Variants in METTL21C observed in about 807,000 individuals in gnomAD.
METTL21C encodes the protein methyltransferase 21C, AARS1 lysine, also known as protein-lysine methyltransferase METTL21C.
Under a neutral mutation model 25.9 loss-of-function variants are expected in METTL21C, and 21 were observed. That is an observed-to-expected ratio of 0.81 (90% CI 0.58 to 1.17). The LOEUF (loss-of-function observed/expected upper bound fraction) is 1.17, where lower values mean the gene tolerates loss of function less well. METTL21C is among the 50% of genes most tolerant of loss of function. METTL21C has a pLI of 0.00. For missense variants in METTL21C, 312 were observed against 315.1 expected, an observed-to-expected ratio of 0.99 and a Z score of 0.07; for synonymous variants, 125 against 124.7, an observed-to-expected ratio of 1.00 and a Z score of -0.01.
chr13:102,703,772 C>T, the METTL21C span, among the ~76,000 whole-genome samples: 2 of 152,160 alleles, frequency 1.3e-5, no homozygotes, highest in Non-Finnish European at 2.9e-5. Context: ...GATTATGGGG[C>T]CTGAGTCAGG....
intron 2 of METTL21C, among the ~76,000 whole-genome samples, chr13:102,690,159 G>C (rs896532069): frequency 6.6e-6 from 1 of 152,236 alleles, no homozygotes; most frequent in Admixed American, 6.5e-5. Context: ...GGTGGTTCAC[G>C]CTTGTAATCC....
chr13:102,691,794 C>CT (rs1424797611), intron 1 of METTL21C, among the ~76,000 whole-genome samples: 1 of 152,324 alleles, frequency 6.6e-6, no homozygotes, highest in African/African-American at 2.4e-5. Context: ...CAGCTGAGCT[C>CT]TGGCTATTAA....
intron 1 of METTL21C, among the ~76,000 whole-genome samples, chr13:102,694,004 T>G (rs371593794): frequency 2.0e-5 from 3 of 152,208 alleles, no homozygotes; most frequent in African/African-American, 7.2e-5. Context: ...TTTATAAAGA[T>G]TCACTGTATG....
intron 2 of METTL21C, among the ~76,000 whole-genome samples, chr13:102,689,730 C>T (rs1885778647): frequency 2.0e-5 from 3 of 152,326 alleles, no homozygotes; most frequent in South Asian, 2.1e-4. Flanking sequence ...GCACCCCAGT[C>T]GGGAGCTTTA....
intron 1 of METTL21C, among the ~76,000 whole-genome samples, chr13:102,693,257 C>G (rs1471001481): frequency 2.0e-5 from 3 of 152,098 alleles, no homozygotes; most frequent in Non-Finnish European, 2.9e-5. Flanking sequence ...TTTAATATAC[C>G]TTTGTCTTTA....
chr13:102,688,222 T>C (rs1213608863), intron 2 of METTL21C, among the ~76,000 whole-genome samples: 2 of 152,218 alleles, frequency 1.3e-5, no homozygotes, highest in African/African-American at 4.8e-5. Context: ...GACGTGTCAC[T>C]CTTAGGATTA....
chr13:102,689,518 G>C (rs1157678859), intron 2 of METTL21C, among the ~76,000 whole-genome samples: 1 of 152,172 alleles, frequency 6.6e-6, no homozygotes, highest in African/African-American at 2.4e-5. Flanking sequence ...CACTAACCAG[G>C]AATACTCAAT....
At chr13:102,688,798 G>A (rs887200578) in intron 2 of METTL21C, among the ~76,000 whole-genome samples, 5 of 152,198 alleles carry the variant, frequency 3.3e-5, no homozygotes, top group Admixed American at 3.3e-4. Context: ...TGAGGGGCTG[G>A]CCGCAGGGTG....
At chr13:102,688,157 A>G (rs1001240080) in intron 2 of METTL21C, among the ~76,000 whole-genome samples, 1 of 151,854 alleles carries the variant, frequency 6.6e-6, no homozygotes, top group African/African-American at 2.4e-5. Flanking sequence ...CTTCCTCTGG[A>G]CTCTACTTTC....
chr13:102,692,858 T>C (rs1418776530), intron 1 of METTL21C, among the ~76,000 whole-genome samples: 1 of 152,090 alleles, frequency 6.6e-6, no homozygotes, highest in Non-Finnish European at 1.5e-5. Flanking sequence ...GAGGGAGCCC[T>C]GTAGCTTTCC....
In METTL21C at chr13:102,690,812, C is replaced by A; in HGVS notation, c.282+1G>T. The A allele has an allele frequency of 6.2e-7, 1 of 1,613,876 alleles. No homozygotes were observed. Among genetic ancestry groups the A allele is most frequent in the Non-Finnish European group, 8.5e-7 (1 of 1,179,916 alleles). On this transcript the variant is annotated splice_donor_variant, in intron 2 of 3. Coordinates refer to ENST00000267273, the MANE Select transcript of METTL21C (RefSeq NM_001010977.3). LOFTEE classifies it high-confidence loss of function. ...CATCACAAATATGACAGTTCTCTCA[C>A]CCCTGGCCACACCACCGCTCCGTAA...
In METTL21C at chr13:102,690,981, T is replaced by G; in HGVS notation, c.131-17A>C. Reference sequence around the variant, plus strand: ...TGTTGGATTCTGTGAAGCAGAAAAATAAAATGGAGTTCATGATTTGTTCAA... The same window carrying G: ...TGTTGGATTCTGTGAAGCAGAAAAAGAAAATGGAGTTCATGATTTGTTCAA... On this transcript the variant is annotated splice_polypyrimidine_tract_variant and intron_variant, in intron 1 of 3. Coordinates refer to ENST00000267273, the MANE Select transcript of METTL21C (RefSeq NM_001010977.3). 1 of 1,612,434 alleles carries G rather than the reference T, an allele frequency of 6.2e-7. No individual in the cohort carries two copies. Among genetic ancestry groups the G allele is most frequent in the Non-Finnish European group, 8.5e-7 (1 of 1,179,342 alleles).
chr13:102,704,179 C>T, the METTL21C span, among the ~76,000 whole-genome samples: 2 of 152,314 alleles, frequency 1.3e-5, no homozygotes, highest in East Asian at 3.9e-4. Context: ...AGAGCGCTCA[C>T]CTCATTTCTC....
chr13:102,688,192 G>A (rs567127417), intron 2 of METTL21C, among the ~76,000 whole-genome samples: 3 of 152,208 alleles, frequency 2.0e-5, no homozygotes. Context: ...TTTGGAGTGG[G>A]GGCAGCCAGG....
rs1189037485 is a variant in METTL21C at position 102,686,340 on chromosome 13, T to G, written c.486A>C (p.Ala162=). 6.2e-7 allele frequency: 1 copy of G among 1,614,248 alleles called. No homozygotes were observed. The highest frequency in any genetic ancestry group is 1.7e-5 in the Admixed American group (1 of 60,028). The change falls in exon 4 of 4, where the codon GCA becomes GCC. Residue 162 remains alanine, a synonymous_variant. Transcript: ENST00000267273. The part of the protein sequence containing the change: ...NLLKNTLQCT[A]HLPEVKELVW... ...CCAGTTCTTTCACTTCAGGCAGATG[T>G]GCTGTACATTGTAGTGTGTTTTTTA...
At chr13:102,696,544 C>T (rs1369151256), upstream of METTL21C, among the ~76,000 whole-genome samples, 2 of 152,018 alleles carry the variant, frequency 1.3e-5, no homozygotes, top group Non-Finnish European at 2.9e-5. Context: ...ATTTAAAAAA[C>T]AGTTCCTTTT....
chr13:102,690,664 T>A lies in METTL21C; in HGVS notation c.282+149A>T, dbSNP rs9518809. The A allele has an allele frequency of 0.095, 72,900 of 763,958 alleles. 4,210 individuals carry two copies. The highest frequency in any genetic ancestry group is 0.23 in the East Asian group (7,826 of 33,884). 47.3% of individuals were successfully genotyped at this position (763,958 alleles called of 1,614,324 possible). A position where few individuals can be genotyped will look rare whatever the true frequency, so the allele number is the denominator to read the frequency against. On this transcript the variant is annotated intron_variant, in intron 2 of 3. Coordinates refer to ENST00000267273, the MANE Select transcript of METTL21C (RefSeq NM_001010977.3). Reference sequence around the variant, plus strand: ...CACTGTTTTTGCTGATCCCAAGCACTCCACCAACACCCTCCAGGGGGCAAG... The same window carrying A: ...CACTGTTTTTGCTGATCCCAAGCACACCACCAACACCCTCCAGGGGGCAAG...
At chr13:102,694,346 G>T in intron 1 of METTL21C, 23 bp downstream of exon 1, 1 of 1,596,812 alleles carries the variant, frequency 6.3e-7, no homozygotes, top group South Asian at 1.1e-5. Context: ...GAAAACTGTT[G>T]AAGTGATGAA....
intron 2 of METTL21C, 128 bp downstream of exon 2, chr13:102,690,685 G>T: frequency 9.4e-7 from 1 of 1,061,080 alleles, no homozygotes; most frequent in Non-Finnish European, 1.3e-6. Context: ...CCTCCAGGGG[G>T]CAAGCAACTG....
Sources: gnomAD v4.1 joint callset for allele counts (sites outside exome capture counted in the v4.1 genomes callset) on GRCh38, gnomAD v4.1.1 for gene constraint, MANE v1.5 for transcripts, NCBI Gene and HGNC (gene_info 2026-07-23, HGNC 2026-07-21) for gene names.